Variants in GPR141 observed in about 807,000 individuals in gnomAD.
GPR141 encodes G protein-coupled receptor 141.
In GPR141, 6 loss-of-function variants were observed where a neutral mutation model predicts 6.8. That is an observed-to-expected ratio of 0.88 (90% CI 0.48 to 1.74). GPR141 has a LOEUF of 1.74. GPR141 is among the 40% of genes most tolerant of loss of function. The pLI is 0.01. For missense variants in GPR141, 372 were observed against 372.9 expected, an observed-to-expected ratio of 1.00 and a Z score of 0.02; for synonymous variants, 140 against 142.3, an observed-to-expected ratio of 0.98 and a Z score of 0.11.
intron 2 of GPR141, chr7:37,713,490 T>TA: frequency 6.6e-6 from 1 of 152,272 alleles, no homozygotes; most frequent in South Asian, 2.1e-4. Context: ...AATAAACTGT[T>TA]AAAACACTTT....
intron 2 of GPR141, among the ~76,000 whole-genome samples, chr7:37,708,822 T>G (rs780697231): frequency 6.6e-6 from 1 of 152,188 alleles, no homozygotes; most frequent in African/African-American, 2.4e-5. Context: ...ATTTCATAGA[T>G]TACAATGTGT....
In GPR141 at chr7:37,685,780, T is replaced by C. The variant is rs374763507; in HGVS notation, c.-15+197T>C. ...TTTTTTTTTTTTTTTTTTTTTTAAATAAGAAAAACACGGATTGATTTTCAA... is the reference window on the plus strand; with the variant it reads ...TTTTTTTTTTTTTTTTTTTTTTAAACAAGAAAAACACGGATTGATTTTCAA... On this transcript the variant is annotated intron_variant, in intron 2 of 2. Coordinates refer to ENST00000334425, the MANE Select transcript of GPR141 (RefSeq NM_001381946.1). 3.5e-5 allele frequency among the ~76,000 whole-genome samples: 4 copies of C among 115,284 alleles called. No individual in the cohort carries two copies. In the East Asian group the frequency reaches 9.9e-4, roughly 28 times the overall value. 75.6% of individuals were successfully genotyped at this position (115,284 alleles called of 152,430 possible). A position where few individuals can be genotyped will look rare whatever the true frequency, so the allele number is the denominator to read the frequency against.
At chr7:37,707,135 A>T (rs1810561282) in intron 2 of GPR141, among the ~76,000 whole-genome samples, 1 of 152,144 alleles carries the variant, frequency 6.6e-6, no homozygotes. Context: ...GGGCAGGGTA[A>T]CCTCAGGTCC....
intron 2 of GPR141, among the ~76,000 whole-genome samples, chr7:37,702,919 A>G (rs987246579): frequency 6.6e-6 from 1 of 151,560 alleles, no homozygotes; most frequent in African/African-American, 2.4e-5. Flanking sequence ...TAAATCAGAT[A>G]TTGTTGATTC....
intron 2 of GPR141, among the ~76,000 whole-genome samples, chr7:37,727,731 G>A (rs1292580734): frequency 6.6e-6 from 1 of 152,174 alleles, no homozygotes; most frequent in African/African-American, 2.4e-5. Flanking sequence ...CTAGGTGGGT[G>A]TCATCTTGCT....
intron 2 of GPR141, among the ~76,000 whole-genome samples, chr7:37,721,560 T>C (rs981935974): frequency 6.6e-6 from 1 of 152,208 alleles, no homozygotes; most frequent in Non-Finnish European, 1.5e-5. Context: ...GTGTTTTCCA[T>C]CCATAGATGT....
intron 2 of GPR141, among the ~76,000 whole-genome samples, chr7:37,692,331 C>CT (rs1274025893): frequency 1.3e-5 from 2 of 152,230 alleles, no homozygotes; most frequent in East Asian, 1.9e-4. Context: ...TGAACGCATC[C>CT]TTTTTTATGG....
At chr7:37,725,397 C>T (rs1423299024) in intron 2 of GPR141, among the ~76,000 whole-genome samples, 17 of 152,068 alleles carry the variant, frequency 1.1e-4, no homozygotes, top group Non-Finnish European at 1.5e-5. Flanking sequence ...ACCAGGCCTG[C>T]GAACTTGAGC....
In GPR141 at chr7:37,743,482, A is replaced by G. The variant is rs1227342323; in HGVS notation, c.*2171A>G. On this transcript the variant is annotated 3_prime_UTR_variant, in exon 3 of 3. Coordinates refer to ENST00000334425, the MANE Select transcript of GPR141 (RefSeq NM_001381946.1). ...CATTTTTTCTTTCTCATTTTGAACC[A>G]TAAAATTTGTAAGACCGTTACTAAG... is the stretch of plus-strand genomic sequence containing the variant. Among the ~76,000 whole-genome samples, 2 of 151,680 alleles carry G rather than the reference A, an allele frequency of 1.3e-5. No individual in the cohort carries two copies. The highest frequency in any genetic ancestry group is 4.8e-5 in the African/African-American group (2 of 41,354).
intron 2 of GPR141, among the ~76,000 whole-genome samples, chr7:37,726,022 C>G (rs1811609039): frequency 1.3e-5 from 2 of 152,094 alleles, no homozygotes; most frequent in African/African-American, 4.8e-5. Flanking sequence ...TCCTCCCCAC[C>G]AAAAAATACT....
At chr7:37,710,477 G>A (rs1486998988) in intron 2 of GPR141, among the ~76,000 whole-genome samples, 2 of 152,204 alleles carry the variant, frequency 1.3e-5, no homozygotes, top group East Asian at 3.9e-4. Context: ...TCTACAAGAT[G>A]GTTTTTGAAA....
At chr7:37,719,744 G>A (rs978795623) in intron 2 of GPR141, among the ~76,000 whole-genome samples, 71 of 152,286 alleles carry the variant, frequency 4.7e-4, no homozygotes, top group Middle Eastern at 3.4e-3. Flanking sequence ...AGAAACTGAG[G>A]AAATGAGTGA....
Position 37,708,826 on chromosome 7 carries a change from A to C in GPR141, c.-15+23243A>C, listed in dbSNP as rs559338318. On this transcript the variant is annotated intron_variant, in intron 2 of 2. Transcript: ENST00000334425. ...ATTTTTACAACATTTCATAGATTAC[A>C]ATGTGTGTTCAGGTTTGACATCTCA... is the stretch of plus-strand genomic sequence containing the variant. Among the ~76,000 whole-genome samples the C allele has an allele frequency of 3.9e-5, 6 of 152,270 alleles. No homozygotes were observed. The South Asian group carries it at 8.3e-4, about 21-fold the overall frequency.
chr7:37,741,354 A>G lies in GPR141; in HGVS notation c.*43A>G. On this transcript the variant is annotated 3_prime_UTR_variant, in exon 3 of 3. Coordinates refer to ENST00000334425, the MANE Select transcript of GPR141 (RefSeq NM_001381946.1). ...CATATTTGCTTCCTTTATATTGGGA[A>G]TAAAAATGGGTATAGGGGAGGTAAG... The G allele has an allele frequency of 7.1e-7, 1 of 1,402,696 alleles. No individual in the cohort carries two copies. The highest frequency in any genetic ancestry group is 9.7e-7 in the Non-Finnish European group (1 of 1,025,950). 86.9% of individuals were successfully genotyped at this position (1,402,696 alleles called of 1,614,324 possible).
intron 2 of GPR141, among the ~76,000 whole-genome samples, chr7:37,699,938 A>G (rs1027899898): frequency 6.6e-6 from 1 of 152,196 alleles, no homozygotes; most frequent in African/African-American, 2.4e-5. Context: ...TTGTGAGGCC[A>G]AAGTGGTTAT....
intron 2 of GPR141, among the ~76,000 whole-genome samples, chr7:37,734,190 T>TA (rs1812123282): frequency 6.6e-6 from 1 of 152,166 alleles, no homozygotes; most frequent in Admixed American, 6.5e-5. Flanking sequence ...ATTACTCAAT[T>TA]AATCAATATT....
intron 2 of GPR141, among the ~76,000 whole-genome samples, chr7:37,727,910 C>T (rs1371233023): frequency 6.6e-6 from 1 of 152,346 alleles, no homozygotes; most frequent in South Asian, 2.1e-4. Context: ...TGGCAACATG[C>T]CGTAAATATG....
chr7:37,716,581 A>G (rs1258063456), intron 2 of GPR141, among the ~76,000 whole-genome samples: 1 of 152,190 alleles, frequency 6.6e-6, no homozygotes, highest in East Asian at 1.9e-4. Context: ...AAATTACCCA[A>G]TTTCACTGTT....
chr7:37,707,926 T>C (rs1810598117), intron 2 of GPR141, among the ~76,000 whole-genome samples: 1 of 152,156 alleles, frequency 6.6e-6, no homozygotes, highest in African/African-American at 2.4e-5. Flanking sequence ...CACAATGTGA[T>C]AAAGGACTTT....
Sources: allele counts gnomAD v4.1 joint callset (sites outside exome capture counted in the v4.1 genomes callset), GRCh38; gene constraint gnomAD v4.1.1; transcripts MANE v1.5; gene names NCBI Gene and HGNC (gene_info 2026-07-23, HGNC 2026-07-21).